Variants in UBR3 observed in about 807,000 individuals in gnomAD.
UBR3 encodes the protein ubiquitin protein ligase E3 component n-recognin 3.
UBR3 carries 85 observed loss-of-function variants against 243.2 expected under a neutral mutation model. The ratio of observed to expected loss-of-function variants is 0.35; its 90% confidence interval spans 0.29 to 0.42. The LOEUF (loss-of-function observed/expected upper bound fraction) is 0.42. UBR3 is among the 10% of genes least tolerant of loss of function. The pLI, the probability that UBR3 is intolerant of heterozygous loss-of-function variation, is 1.00. For synonymous variants in UBR3, 748 were observed against 799.8 expected (o/e 0.94, Z 1.09); for missense variants, 1,686 against 2,300.8 (o/e 0.73, Z 5.47).
At chr2:169,856,481 C>T (rs1179671855) in intron 1 of UBR3, among the ~76,000 whole-genome samples, 1 of 152,292 alleles carries the variant, frequency 6.6e-6, no homozygotes, top group East Asian at 1.9e-4. Flanking sequence ...CCAAGGCAGG[C>T]GGCTGGGAGG....
intron 1 of UBR3, among the ~76,000 whole-genome samples, chr2:169,868,269 G>C (rs1336269180): frequency 6.6e-6 from 1 of 152,106 alleles, no homozygotes; most frequent in African/African-American, 2.4e-5. Flanking sequence ...TTTTGAAGCA[G>C]GTCCCATATA....
At chr2:169,892,465 C>G (rs767018691) in intron 6 of UBR3, among the ~76,000 whole-genome samples, 4 of 152,142 alleles carry the variant, frequency 2.6e-5, no homozygotes, top group Non-Finnish European at 5.9e-5. Flanking sequence ...TTTATGCAGA[C>G]TTAAGTTAAA....
chr2:169,985,730 A>G (rs981547483), intron 24 of UBR3, among the ~76,000 whole-genome samples: 2 of 152,114 alleles, frequency 1.3e-5, no homozygotes, highest in African/African-American at 2.4e-5. Context: ...CCAAAGTTCT[A>G]TTTTAGGTTA....
At chr2:169,997,291 C>T (rs979595001) in intron 26 of UBR3, among the ~76,000 whole-genome samples, 1 of 152,134 alleles carries the variant, frequency 6.6e-6, no homozygotes, top group African/African-American at 2.4e-5. Flanking sequence ...TCAACTCGCT[C>T]CCCAGCCTGG....
chr2:169,833,207 C>T (rs2081991808), intron 1 of UBR3, among the ~76,000 whole-genome samples: 1 of 152,152 alleles, frequency 6.6e-6, no homozygotes, highest in Admixed American at 6.5e-5. Context: ...GTAGTTCAAA[C>T]TAGTGTTGTT....
chr2:169,860,932 C>T (rs141430520), intron 1 of UBR3, among the ~76,000 whole-genome samples: 40 of 152,240 alleles, frequency 2.6e-4, no homozygotes, highest in African/African-American at 7.5e-4. Context: ...GCCACAGGCC[C>T]GAGAGCCCCT....
At chr2:169,945,410 C>T (rs2086751092) in intron 20 of UBR3, among the ~76,000 whole-genome samples, 3 of 152,160 alleles carry the variant, frequency 2.0e-5, no homozygotes. Flanking sequence ...TCTCTCTATT[C>T]TTTAATTGTG....
intron 1 of UBR3, among the ~76,000 whole-genome samples, chr2:169,866,022 G>A (rs1002697467): frequency 2.6e-5 from 4 of 151,664 alleles, no homozygotes; most frequent in Admixed American, 6.6e-5. Context: ...ATGGTGGTGC[G>A]TGCCTGTAAT....
At position 169,979,506 on chromosome 2, in the gene UBR3, C is replaced by T. The variant is rs2088619137; in HGVS notation, c.3635-7139C>T. On this transcript the variant is annotated intron_variant, in intron 24 of 38. Coordinates refer to ENST00000272793, the MANE Select transcript of UBR3 (RefSeq NM_172070.4). ...CAGAATTGGAAGCAGCTAAGATGTC[C>T]TTCCATAGATGAATGGATAAAGAAA... 2.0e-5 allele frequency among the ~76,000 whole-genome samples: 3 copies of T among 152,158 alleles called. No individual in the cohort carries two copies. In the South Asian group the frequency reaches 6.2e-4, roughly 32 times the overall value.
At chr2:169,876,004 G>C (rs1187938006) in intron 3 of UBR3, 55 bp downstream of exon 3, 2 of 1,306,572 alleles carry the variant, frequency 1.5e-6, no homozygotes, top group East Asian at 6.2e-5. Context: ...ATAATGATAA[G>C]AAATTGAGTC....
chr2:169,947,656 C>T lies in UBR3; in HGVS notation c.3025C>T (p.Pro1009Ser). 6.5e-7 allele frequency: 1 copy of T among 1,538,872 alleles called. No homozygotes were observed. The highest frequency in any genetic ancestry group is 8.8e-7 in the Non-Finnish European group (1 of 1,140,806). Residue 1009 changes from proline to serine, a missense_variant, in exon 22 of 39, where the codon CCT becomes TCT. Coordinates refer to ENST00000272793, the MANE Select transcript of UBR3 (RefSeq NM_172070.4). Reference protein sequence around the residue: ...YVRVRVPETAPEVKRDSPAST... With the variant: ...YVRVRVPETASEVKRDSPAST... ...TAGAGTAAGAGTTCCAGAGACTGCT[C>T]CTGAAGTAAAGAGAGACTCACCTGC...
intron 32 of UBR3, among the ~76,000 whole-genome samples, chr2:170,042,773 T>C (rs2091000237): frequency 6.6e-6 from 1 of 151,214 alleles, no homozygotes; most frequent in Non-Finnish European, 1.5e-5. Context: ...CTGGATCATA[T>C]GGTAATTCTG....
rs756966878 is a variant in UBR3, at chr2:170,007,177, C to T, written c.4217C>T (p.Pro1406Leu). The change falls in exon 28 of 39, where the codon CCG becomes CTG. Residue 1406 changes from proline (P) to leucine (L), a missense_variant. By Grantham distance (98) the Pro-to-Leu change is moderately conservative. Transcript: ENST00000272793. Reference sequence around the variant, plus strand: ...GAAGTGGAGGAGCTGCAGGGACGACCGGGAGCTTTCCCAGTAAGCATCAGT... The same window carrying T: ...GAAGTGGAGGAGCTGCAGGGACGACTGGGAGCTTTCCCAGTAAGCATCAGT... The part of the protein sequence containing the change: ...IKEVEELQGR[P>L]GAFPSETNLS... The T allele has an allele frequency of 6.9e-6, 11 of 1,600,090 alleles. No homozygotes were observed. Among genetic ancestry groups the T allele is most frequent in the South Asian group, 4.5e-5 (4 of 88,912 alleles).
chr2:169,892,689 C>A (rs1273433697), intron 6 of UBR3, among the ~76,000 whole-genome samples: 2 of 152,132 alleles, frequency 1.3e-5, no homozygotes, highest in Non-Finnish European at 2.9e-5. Context: ...TTGAAGATAT[C>A]TGAAGTTTGG....
rs78108937 is a variant in UBR3, at chr2:169,919,986, T to C, written c.1867-3943T>C. ...TATATACCCAAAGGGTTATAAATCA[T>C]GCCTCTATAAAGACACATGCACACG... On this transcript the variant is annotated intron_variant, in intron 11 of 38. Transcript: ENST00000272793. Among the ~76,000 whole-genome samples, 1,161 of 152,332 alleles carry C rather than the reference T, an allele frequency of 7.6e-3. 11 individuals are homozygous for C. The highest frequency in any genetic ancestry group is 0.013 in the Non-Finnish European group (853 of 68,036).
chr2:170,052,428 A>G (rs1411851829), intron 32 of UBR3, among the ~76,000 whole-genome samples: 2 of 152,212 alleles, frequency 1.3e-5, no homozygotes, highest in African/African-American at 4.8e-5. Flanking sequence ...TTTAATCACA[A>G]TAGCCAAGAT....
chr2:170,031,135 A>C (rs2105423647), intron 31 of UBR3, among the ~76,000 whole-genome samples: 1 of 151,966 alleles, frequency 6.6e-6, no homozygotes, highest in East Asian at 1.9e-4. Flanking sequence ...TAAAGACCAG[A>C]TCTCCCTGTT....
chr2:169,986,583 A>AAT (rs763565511), intron 24 of UBR3, 62 bp from the exon 25 acceptor site: 30 of 1,503,318 alleles, frequency 2.0e-5, no homozygotes, highest in Non-Finnish European at 2.5e-5. Flanking sequence ...TTTCTCTCAC[A>AAT]CTTTCATTGA....
At chr2:169,996,557 G>A (rs953078949) in intron 26 of UBR3, among the ~76,000 whole-genome samples, 1 of 152,026 alleles carries the variant, frequency 6.6e-6, no homozygotes, top group African/African-American at 2.4e-5. Flanking sequence ...TCATGCTTCC[G>A]TATATTTTCA....
Sources: gnomAD v4.1 joint callset for allele counts (sites outside exome capture counted in the v4.1 genomes callset) on GRCh38, gnomAD v4.1.1 for gene constraint, MANE v1.5 for transcripts, NCBI Gene and HGNC (gene_info 2026-07-23, HGNC 2026-07-21) for gene names.